Variants in VAV3 observed in about 807,000 individuals in gnomAD.
The protein encoded by VAV3 is guanine nucleotide exchange factor VAV3.
Under a neutral mutation model 131.2 loss-of-function variants are expected in VAV3, and 94 were observed. The ratio of observed to expected loss-of-function variants is 0.72; its 90% CI spans 0.61 to 0.85. The LOEUF is 0.85. Ranked by LOEUF, VAV3 falls within the 40% of genes least tolerant of loss-of-function variation. The probability of loss-of-function intolerance (pLI) is 0.00; values close to 1 mark genes in which losing one functional copy is unlikely to be tolerated. For missense variants in VAV3, 939 were observed against 1,002.7 expected, an observed-to-expected ratio of 0.94 and a Z score of 0.86; for synonymous variants, 349 against 342.0, an observed-to-expected ratio of 1.02 and a Z score of -0.22.
intron 1 of VAV3, among the ~76,000 whole-genome samples, chr1:107,890,110 T>C (rs1325411232): frequency 6.6e-6 from 1 of 152,180 alleles, no homozygotes; most frequent in Non-Finnish European, 1.5e-5. Flanking sequence ...TCTTTCTTAG[T>C]ATCAATGCTT....
chr1:107,721,885 C>G (rs1161323024), intron 15 of VAV3, among the ~76,000 whole-genome samples: 1 of 152,212 alleles, frequency 6.6e-6, no homozygotes, highest in Non-Finnish European at 1.5e-5. Context: ...TATGGGGTGA[C>G]AGTAGTCCCC....
intron 2 of VAV3, among the ~76,000 whole-genome samples, chr1:107,792,787 C>T (rs1225821523): frequency 6.6e-6 from 1 of 151,964 alleles, no homozygotes; most frequent in Non-Finnish European, 1.5e-5. Flanking sequence ...ACGAAAGAAA[C>T]AGTTAACACA....
At chr1:107,678,246 C>G (rs1202218487) in intron 19 of VAV3, among the ~76,000 whole-genome samples, 4 of 152,042 alleles carry the variant, frequency 2.6e-5, no homozygotes, top group Admixed American at 2.6e-4. Context: ...TCATTTCTTT[C>G]AATGTGAAAT....
At chr1:107,946,132 T>C (rs888996166) in intron 1 of VAV3, among the ~76,000 whole-genome samples, 1 of 152,012 alleles carries the variant, frequency 6.6e-6, no homozygotes, top group East Asian at 1.9e-4. Flanking sequence ...ACTGACAATG[T>C]AGATGGGATA....
intron 25 of VAV3, among the ~76,000 whole-genome samples, chr1:107,595,973 G>A (rs771796349): frequency 5.3e-5 from 8 of 152,062 alleles, no homozygotes; most frequent in African/African-American, 1.7e-4. Context: ...TATCTTTTAC[G>A]TTTCTGCTGG....
At chr1:107,905,371 A>G (rs977965991) in intron 1 of VAV3, among the ~76,000 whole-genome samples, 4 of 152,166 alleles carry the variant, frequency 2.6e-5, no homozygotes, top group Non-Finnish European at 5.9e-5. Flanking sequence ...ATATATTTAC[A>G]TGTATTTGTT....
chr1:107,941,283 T>C (rs1673981843), intron 1 of VAV3, among the ~76,000 whole-genome samples: 1 of 152,216 alleles, frequency 6.6e-6, no homozygotes, highest in South Asian at 2.1e-4. Flanking sequence ...CTAAACTGAA[T>C]GTGGTCTCTG....
intron 2 of VAV3, among the ~76,000 whole-genome samples, chr1:107,855,440 A>G (rs1206557215): frequency 6.6e-6 from 1 of 151,888 alleles, no homozygotes; most frequent in Admixed American, 6.6e-5. Flanking sequence ...CCATGCACAG[A>G]TAATTTTTGT....
intron 15 of VAV3, among the ~76,000 whole-genome samples, chr1:107,734,954 G>A (rs1662500152): frequency 6.6e-6 from 1 of 152,150 alleles, no homozygotes; most frequent in South Asian, 2.1e-4. Context: ...CACATAGTTG[G>A]AAGTAAAACA....
rs376719576 is a variant in VAV3 at position 107,948,228 on chromosome 1, T to C, written c.204+16438A>G. On this transcript the variant is annotated intron_variant, in intron 1 of 26. Coordinates refer to ENST00000370056, the MANE Select transcript of VAV3 (RefSeq NM_006113.5). ...TTACGGATTCCCCTAAACTACTGCA[T>C]CCAAAAAATGAAAAACATACATGAA... Among the ~76,000 whole-genome samples, 27 of 152,020 alleles carry C rather than the reference T, an allele frequency of 1.8e-4. No individual in the cohort carries two copies. The East Asian group carries it at 5.0e-3, about 28-fold the overall frequency.
At chr1:107,716,036 T>C (rs1455741300) in intron 15 of VAV3, among the ~76,000 whole-genome samples, 1 of 152,230 alleles carries the variant, frequency 6.6e-6, no homozygotes, top group African/African-American at 2.4e-5. Context: ...CAAGCTTTGT[T>C]AATTTTTCCT....
intron 20 of VAV3, among the ~76,000 whole-genome samples, chr1:107,633,974 A>T (rs1002466039): frequency 6.6e-6 from 1 of 152,164 alleles, no homozygotes; most frequent in Non-Finnish European, 1.5e-5. Context: ...CATTATGAGA[A>T]ATAATAAACT....
chr1:107,655,568 G>GT (rs980533520), intron 19 of VAV3, among the ~76,000 whole-genome samples: 19 of 152,086 alleles, frequency 1.2e-4, no homozygotes, highest in African/African-American at 4.3e-4. Context: ...TTGGGAAAAG[G>GT]TTTTTTGTGT....
chr1:107,812,956 T>C (rs1667388712), intron 2 of VAV3, among the ~76,000 whole-genome samples: 2 of 152,070 alleles, frequency 1.3e-5, no homozygotes, highest in South Asian at 4.2e-4. Flanking sequence ...ACCCCATCTC[T>C]ACTAAAAATA....
rs114081202 is a variant in VAV3, at chr1:107,951,264, A to G, written c.204+13402T>C. Reference sequence around the variant, plus strand: ...ATGTCTCTGTCCTCTTCTTGGTCTCATCTCTCTCACCCAGCTGCATGTACT... The same window carrying G: ...ATGTCTCTGTCCTCTTCTTGGTCTCGTCTCTCTCACCCAGCTGCATGTACT... On this transcript the variant is annotated intron_variant, in intron 1 of 26. Transcript: ENST00000370056. Among the ~76,000 whole-genome samples, 845 of 152,142 alleles carry G rather than the reference A, an allele frequency of 5.6e-3. 13 individuals carry two copies. Among genetic ancestry groups the G allele is most frequent in the African/African-American group, 0.019 (808 of 41,486 alleles).
chr1:107,665,971 A>G (rs4623732), intron 19 of VAV3, among the ~76,000 whole-genome samples: 96,355 of 151,684 alleles, frequency 0.64, 31,475 homozygotes, highest in African/African-American at 0.79. Context: ...AAAGGAAACT[A>G]TTCCAGAATC....
At chr1:107,752,440 T>C (rs1016141974) in intron 12 of VAV3, among the ~76,000 whole-genome samples, 2 of 152,240 alleles carry the variant, frequency 1.3e-5, no homozygotes. Flanking sequence ...CAATTATTTC[T>C]TCGAGATTGA....
chr1:107,642,476 T>C, intron 20 of VAV3, 143 bp downstream of exon 20: 1 of 914,610 alleles, frequency 1.1e-6, no homozygotes, highest in Non-Finnish European at 1.6e-6. Context: ...GTCTATGGAG[T>C]AGCCATTCTT....
chr1:107,627,616 C>G (rs115432630), intron 20 of VAV3, among the ~76,000 whole-genome samples: 286 of 152,198 alleles, frequency 1.9e-3, no homozygotes, highest in Non-Finnish European at 2.4e-3. Flanking sequence ...ACACTTTTTT[C>G]TCCTTTTCAA....
Sources: allele counts gnomAD v4.1 joint callset (sites outside exome capture counted in the v4.1 genomes callset), GRCh38; gene constraint gnomAD v4.1.1; transcripts MANE v1.5; gene names NCBI Gene and HGNC (gene_info 2026-07-23, HGNC 2026-07-21).